The following EVL variants were observed in gnomAD, a reference collection of about 807,000 sequenced individuals.
The protein encoded by EVL is ena/VASP-like protein.
In EVL, 21 loss-of-function variants were observed where a neutral mutation model predicts 59.6. The ratio of observed to expected loss-of-function variants is 0.35; its 90% CI spans 0.25 to 0.51. The LOEUF (loss-of-function observed/expected upper bound fraction) is 0.51. Among genes scored for constraint, EVL ranks in the 20% least tolerant of loss-of-function variants. The pLI is 0.97. For synonymous variants in EVL, 198 were observed against 203.5 expected, an observed-to-expected ratio of 0.97 and a Z score of 0.23; for missense variants, 462 against 546.6, an observed-to-expected ratio of 0.85 and a Z score of 1.54.
chr14:100,089,887 G>T (rs1226864446), intron 2 of EVL, among the ~76,000 whole-genome samples: 1 of 152,014 alleles, frequency 6.6e-6, no homozygotes. Flanking sequence ...GAGCCATGGT[G>T]GTACTACTGC....
intron 3 of EVL, among the ~76,000 whole-genome samples, chr14:100,115,708 A>C (rs1424686223): frequency 6.6e-6 from 1 of 152,174 alleles, no homozygotes; most frequent in Admixed American, 6.5e-5. Context: ...TGGTAATCTG[A>C]GTAAGACATG....
intron 1 of EVL, among the ~76,000 whole-genome samples, chr14:100,014,436 A>G (rs2061036968): frequency 6.6e-6 from 1 of 152,248 alleles, no homozygotes; most frequent in Admixed American, 6.5e-5. Flanking sequence ...CCTCCAGTCC[A>G]TCCATGTTGT....
intron 1 of EVL, among the ~76,000 whole-genome samples, chr14:100,007,457 T>A (rs1371567390): frequency 6.6e-6 from 1 of 152,192 alleles, no homozygotes; most frequent in Non-Finnish European, 1.5e-5. Context: ...CCCCAAGATT[T>A]ATTTTCCTTT....
chr14:100,109,381 C>T lies in EVL; in HGVS notation c.358+11723C>T. ...CCCCAGAAGACCTCAGGCACCCCTT[C>T]CCAGTCCTCGCACACTGTTGGTGTC... On this transcript the variant is annotated intron_variant, in intron 3 of 13. Transcript: ENST00000392920. The surrounding 1 kb of genome is among the most constrained non-coding windows in gnomAD (Gnocchi z 4.3). 2 of 359,970 alleles carry T rather than the reference C, an allele frequency of 5.6e-6. No homozygotes were observed. The highest frequency in any genetic ancestry group is 4.1e-5 in the South Asian group (2 of 48,290). 22.3% of individuals were successfully genotyped at this position (359,970 alleles called of 1,614,324 possible). A position where few individuals can be genotyped will look rare whatever the true frequency, so the allele number is the denominator to read the frequency against.
intron 1 of EVL, among the ~76,000 whole-genome samples, chr14:100,028,134 G>GTTTT (rs137903594): frequency 0.025 from 2,998 of 118,552 alleles, 61 homozygotes; most frequent in Non-Finnish European, 0.037. Context: ...TTGTTTGTTT[G>GTTTT]TTTTTTTTTT....
chr14:99,986,766 A>G (rs2060842895), intron 1 of EVL, among the ~76,000 whole-genome samples: 1 of 152,222 alleles, frequency 6.6e-6, no homozygotes, highest in Non-Finnish European at 1.5e-5. Context: ...CCCTACATTT[A>G]TGAGCAATTG....
At chr14:100,113,582 G>T (rs192271713) in intron 3 of EVL, among the ~76,000 whole-genome samples, 1 of 152,278 alleles carries the variant, frequency 6.6e-6, no homozygotes, top group East Asian at 1.9e-4. Flanking sequence ...GGGCTAGGAG[G>T]AGGGAAATCA....
At chr14:100,034,886 G>A (rs57024960) in intron 1 of EVL, among the ~76,000 whole-genome samples, 14,272 of 152,190 alleles carry the variant, frequency 0.094, 2,281 homozygotes, top group African/African-American at 0.33. Context: ...GTGAAATGTG[G>A]TAGTTGTGAG....
chr14:99,994,057 T>G (rs1332564218), intron 1 of EVL, among the ~76,000 whole-genome samples: 1 of 151,432 alleles, frequency 6.6e-6, no homozygotes, highest in East Asian at 1.9e-4. Context: ...CAGTTTCTTT[T>G]AAGTTGTATC....
chr14:100,084,652 G>A (rs759372183), intron 1 of EVL, 35 bp from the exon 2 acceptor site: 17 of 1,609,934 alleles, frequency 1.1e-5, no homozygotes, highest in Admixed American at 1.0e-4. Flanking sequence ...ATCCACTGTA[G>A]CTGAGGCTGA....
At chr14:99,999,137 C>G (rs1264650575) in intron 1 of EVL, among the ~76,000 whole-genome samples, 1 of 152,074 alleles carries the variant, frequency 6.6e-6, no homozygotes, top group Non-Finnish European at 1.5e-5. Context: ...TTTCTAGTGA[C>G]TGGTACTCTG....
chr14:100,102,836 G>A (rs1483128513), intron 3 of EVL, among the ~76,000 whole-genome samples: 5 of 152,300 alleles, frequency 3.3e-5, no homozygotes, highest in Non-Finnish European at 7.4e-5. Context: ...AGTGGCTCAC[G>A]CCTGTAATCC....
At chr14:100,001,308 T>C (rs1342194163) in intron 1 of EVL, among the ~76,000 whole-genome samples, 4 of 152,188 alleles carry the variant, frequency 2.6e-5, no homozygotes, top group Non-Finnish European at 5.9e-5. Flanking sequence ...GAAAACATTA[T>C]TTTGGAAACT....
At chr14:100,143,373 C>T (rs1309671771) in intron 13 of EVL, among the ~76,000 whole-genome samples, 2 of 152,152 alleles carry the variant, frequency 1.3e-5, no homozygotes, top group African/African-American at 4.8e-5. Context: ...CCTGCGTCCC[C>T]ACACAGCAGC....
At chr14:100,125,616 C>T (rs570927938) in intron 4 of EVL, among the ~76,000 whole-genome samples, 31 of 151,004 alleles carry the variant, frequency 2.1e-4, no homozygotes, top group African/African-American at 5.4e-4. Flanking sequence ...AGTGTAGTGA[C>T]GCAATCTTGG....
Position 100,018,057 on chromosome 14 carries a change from C to T in EVL, c.5+46000C>T, listed in dbSNP as rs2061065901. Among the ~76,000 whole-genome samples, 3 of 152,248 alleles carry T rather than the reference C, an allele frequency of 2.0e-5. No individual in the cohort carries two copies. The South Asian group carries it at 6.2e-4, about 32-fold the overall frequency. On this transcript the variant is annotated intron_variant, in intron 1 of 13. Transcript: ENST00000402714. ...TTCAGCAAACCTTATGTGAATAATT[C>T]CTTTTTGTCAAGTGCTATGTCAGGC...
intron 3 of EVL, among the ~76,000 whole-genome samples, chr14:100,118,705 C>T (rs1023367234): frequency 5.8e-4 from 89 of 152,178 alleles, no homozygotes; most frequent in African/African-American, 1.9e-3. Context: ...GGCTGGCCCC[C>T]TCACCCCACC....
intron 1 of EVL, among the ~76,000 whole-genome samples, chr14:99,985,810 AT>A (rs2060836532): frequency 6.6e-6 from 1 of 151,624 alleles, no homozygotes; most frequent in Non-Finnish European, 1.5e-5. Context: ...TTAGCCATTC[AT>A]TACTAATTAG....
chr14:100,105,796 A>T (rs1215534808), intron 3 of EVL, among the ~76,000 whole-genome samples: 1 of 152,052 alleles, frequency 6.6e-6, no homozygotes, highest in Non-Finnish European at 1.5e-5. Flanking sequence ...GATGGTGACT[A>T]GCAGTAAGTA....
Sources: gnomAD v4.1 joint callset for allele counts (sites outside exome capture counted in the v4.1 genomes callset) on GRCh38, gnomAD v4.1.1 for gene constraint, Gnocchi (gnomAD v3.1) non-coding constraint, MANE v1.5 for transcripts, NCBI Gene and HGNC (gene_info 2026-07-23, HGNC 2026-07-21) for gene names.